The following RXFP2 variants were observed in gnomAD, a reference collection of about 807,000 sequenced individuals.
RXFP2 encodes the protein relaxin family peptide receptor 2.
RXFP2 carries 68 observed loss-of-function variants against 88.6 expected under a neutral mutation model. The ratio of observed to expected loss-of-function variants is 0.77; its 90% CI spans 0.63 to 0.94. RXFP2 has a LOEUF of 0.94. RXFP2 is among the 40% of genes least tolerant of loss of function. The pLI, the probability that RXFP2 is intolerant of heterozygous loss-of-function variation, is 0.00. For synonymous variants in RXFP2, 329 were observed against 306.8 expected (o/e 1.07, Z -0.76); for missense variants, 791 against 893.9 (o/e 0.88, Z 1.47).
intron 17 of RXFP2, among the ~76,000 whole-genome samples, chr13:31,799,227 A>T (rs1374729001): frequency 1.3e-5 from 2 of 151,854 alleles, no homozygotes; most frequent in Non-Finnish European, 2.9e-5. Flanking sequence ...TTCAAAAAAA[A>T]AAAAAATGGA....
rs1037447178 is a variant in RXFP2 at position 31,802,837 on chromosome 13, A to G, written c.*432A>G. ...ACAACTCTTTCCTTGCCTTTTCAAT[A>G]TCAAATAAAACCATCAGCATCCTGC... On this transcript the variant is annotated 3_prime_UTR_variant, in exon 18 of 18. Transcript: ENST00000298386. 9 of 175,382 alleles carry G rather than the reference A, an allele frequency of 5.1e-5. No homozygotes were observed. The highest frequency in any genetic ancestry group is 2.1e-4 in the African/African-American group (9 of 41,896). 10.9% of individuals were successfully genotyped at this position (175,382 alleles called of 1,614,324 possible). A position where few individuals can be genotyped will look rare whatever the true frequency, so the allele number is the denominator to read the frequency against.
chr13:31,790,442 CT>C (rs1873739827), intron 14 of RXFP2, among the ~76,000 whole-genome samples: 1 of 152,214 alleles, frequency 6.6e-6, no homozygotes, highest in South Asian at 2.1e-4. Flanking sequence ...TATTAGGAAG[CT>C]GAACTGTAAG....
At position 31,775,346 on chromosome 13, in the gene RXFP2, C is replaced by G; in HGVS notation, c.598C>G (p.Leu200Val). 6.2e-7 allele frequency: 1 copy of G among 1,613,764 alleles called. No homozygotes were observed. The highest frequency in any genetic ancestry group is 8.5e-7 in the Non-Finnish European group (1 of 1,179,730). ...TCTCAACCACAACTGCATCACAACC[C>G]TCAGACCTGGAATATTCAAAGACTT... The part of the protein sequence containing the change: ...LYLNHNCITT[L>V]RPGIFKDLHQ... Residue 200 changes from leucine to valine, a missense_variant, in exon 7 of 18, where the codon CTC (leucine) becomes GTC (valine). Coordinates refer to ENST00000298386, the MANE Select transcript of RXFP2 (RefSeq NM_130806.5).
chr13:31,770,806 C>G (rs1872708247), intron 5 of RXFP2, among the ~76,000 whole-genome samples: 1 of 152,176 alleles, frequency 6.6e-6, no homozygotes, highest in Non-Finnish European at 1.5e-5. Flanking sequence ...TCCTCATGGG[C>G]TGGACAGTCC....
In RXFP2 at chr13:31,794,368, C is replaced by CCACA. The variant is rs56077729; in HGVS notation, c.1786+1318_1786+1321dup. Among the ~76,000 whole-genome samples, 545 of 145,876 alleles carry CCACA rather than the reference C, an allele frequency of 3.7e-3. 3 individuals carry two copies. The highest frequency in any genetic ancestry group is 0.014 in the Middle Eastern group (4 of 294). ...ATAGAGACTCTCCCTGAAACACACA[C>CCACA]CACACACACACACACACACACACAC... On this transcript the variant is annotated intron_variant, in intron 16 of 17. Transcript: ENST00000298386.
At chr13:31,792,207 G>A (rs1873830089) in intron 15 of RXFP2, among the ~76,000 whole-genome samples, 172 bp downstream of exon 15, 1 of 151,982 alleles carries the variant, frequency 6.6e-6, no homozygotes, top group Non-Finnish European at 1.5e-5. Flanking sequence ...CTTTGTTTTA[G>A]GTTGTATGAC....
rs765102306 is a variant in RXFP2 at position 31,778,543 on chromosome 13, C to A, written c.745C>A (p.Pro249Thr). 1 of 1,611,702 alleles carries A rather than the reference C, an allele frequency of 6.2e-7. No individual in the cohort carries two copies. The highest frequency in any genetic ancestry group is 8.5e-7 in the Non-Finnish European group (1 of 1,177,982). Residue 249 changes from proline (P) to threonine (T), a missense_variant, in exon 9 of 18, where the codon CCC becomes ACC. Physicochemically the swap from Pro to Thr is conservative, Grantham distance 38. Transcript: ENST00000298386. ...GGTTAATAACTACTTAGAAGCTCTT[C>A]CCAAGCAGATGTGTGCCCAAATGCC... ...SMVNNYLEAL[P>T]KQMCAQMPQL...
At chr13:31,751,451 A>G (rs1334729940) in intron 1 of RXFP2, among the ~76,000 whole-genome samples, 2 of 152,202 alleles carry the variant, frequency 1.3e-5, no homozygotes, top group East Asian at 1.9e-4. Flanking sequence ...TGCATCACAA[A>G]AGAAGAATCC....
intron 2 of RXFP2, among the ~76,000 whole-genome samples, 164 bp downstream of exon 2, chr13:31,758,568 C>T (rs918478649): frequency 3.3e-5 from 5 of 152,084 alleles, no homozygotes; most frequent in Admixed American, 1.3e-4. Flanking sequence ...TTTGTGATAA[C>T]GACCTGAATT....
At chr13:31,794,846 A>G (rs1873955058) in intron 16 of RXFP2, among the ~76,000 whole-genome samples, 1 of 151,856 alleles carries the variant, frequency 6.6e-6, no homozygotes, top group Non-Finnish European at 1.5e-5. Context: ...GGCCCAAAGG[A>G]GTTAAGTATC....
At chr13:31,752,780 G>A (rs9548956) in intron 1 of RXFP2, among the ~76,000 whole-genome samples, 11 of 152,102 alleles carry the variant, frequency 7.2e-5, no homozygotes, top group East Asian at 1.9e-4. Flanking sequence ...GGAGCCGCCC[G>A]GGACAGTGCT....
At chr13:31,765,925 A>G (rs1872529774) in intron 4 of RXFP2, 31 bp from the exon 5 acceptor site, 1 of 1,106,368 alleles carries the variant, frequency 9.0e-7, no homozygotes, top group Non-Finnish European at 1.4e-6. Flanking sequence ...ATAACAATCC[A>G]TAATGAAGTT....
chr13:31,770,783 G>A (rs1470363847), intron 5 of RXFP2, among the ~76,000 whole-genome samples: 1 of 152,072 alleles, frequency 6.6e-6, no homozygotes, highest in Non-Finnish European at 1.5e-5. Context: ...ACAACTCTCT[G>A]ACCACCATAC....
intron 5 of RXFP2, among the ~76,000 whole-genome samples, chr13:31,769,481 T>C (rs1179262122): frequency 6.6e-6 from 1 of 152,218 alleles, no homozygotes; most frequent in Non-Finnish European, 1.5e-5. Flanking sequence ...CCAAAGGACA[T>C]AGTTTCAAAT....
At chr13:31,755,730 T>G (rs563266028) in intron 1 of RXFP2, among the ~76,000 whole-genome samples, 102 of 152,196 alleles carry the variant, frequency 6.7e-4, no homozygotes, top group Non-Finnish European at 1.2e-3. Context: ...CCAACCCCAG[T>G]GCCATGCAGT....
intron 16 of RXFP2, 97 bp downstream of exon 16, chr13:31,793,185 T>C (rs937508792): frequency 5.3e-6 from 6 of 1,131,698 alleles, no homozygotes; most frequent in African/African-American, 3.1e-5. Flanking sequence ...GAAAGTGAGA[T>C]AACATAGTCA....
chr13:31,781,292 C>T (rs1197669672), intron 9 of RXFP2, among the ~76,000 whole-genome samples: 1 of 152,086 alleles, frequency 6.6e-6, no homozygotes, highest in Non-Finnish European at 1.5e-5. Flanking sequence ...CCTTGGATTT[C>T]TCTTATGTTA....
intron 7 of RXFP2, among the ~76,000 whole-genome samples, chr13:31,776,037 T>TTTTC (rs1284104848): frequency 1.3e-5 from 2 of 151,932 alleles, no homozygotes; most frequent in East Asian, 1.9e-4. Flanking sequence ...CCAGGCAACT[T>TTTTC]TTTCTTTCTT....
Position 31,786,559 on chromosome 13 carries a change from A to T in RXFP2, c.1002-7A>T, listed in dbSNP as rs1280069889. 1 of 1,603,046 alleles carries T rather than the reference A, an allele frequency of 6.2e-7. No individual in the cohort carries two copies. The highest frequency in any genetic ancestry group is 1.7e-5 in the Admixed American group (1 of 59,710). ...TTTCCTCTCTCATCTAATGGTAAAAAAAAAAGGAACCTGTCATCCAATCCT... is the reference window on the plus strand; with the variant it reads ...TTTCCTCTCTCATCTAATGGTAAAATAAAAAGGAACCTGTCATCCAATCCT... On this transcript the variant is annotated splice_region_variant and splice_polypyrimidine_tract_variant and intron_variant, in intron 12 of 17. Coordinates refer to ENST00000298386, the MANE Select transcript of RXFP2 (RefSeq NM_130806.5).
Sources: allele counts gnomAD v4.1 joint callset (sites outside exome capture counted in the v4.1 genomes callset), GRCh38; gene constraint gnomAD v4.1.1; transcripts MANE v1.5; gene names NCBI Gene and HGNC (gene_info 2026-07-23, HGNC 2026-07-21).